The following RBMS3 variants were observed in gnomAD, a reference collection of about 807,000 sequenced individuals.
The protein encoded by RBMS3 is RNA-binding motif, single-stranded-interacting protein 3.
A neutral mutation model predicts 66.8 loss-of-function variants in RBMS3; 27 were observed. That is an observed-to-expected ratio of 0.40 (90% CI 0.30 to 0.56). RBMS3 has a LOEUF of 0.56. Among genes scored for constraint, RBMS3 ranks in the 20% least tolerant of loss-of-function variants. The pLI, the probability that RBMS3 is intolerant of heterozygous loss-of-function variation, is 0.40. For synonymous variants in RBMS3, 188 were observed against 183.0 expected (o/e 1.03, Z -0.22); for missense variants, 513 against 549.5 (o/e 0.93, Z 0.66).
chr3:29,867,375 G>A (rs762670410), intron 6 of RBMS3, among the ~76,000 whole-genome samples: 1 of 150,726 alleles, frequency 6.6e-6, no homozygotes, highest in Non-Finnish European at 1.5e-5. Context: ...CATTGGTGTG[G>A]TGGGCTCAGT....
chr3:29,620,168 T>G (rs529432109), intron 4 of RBMS3, among the ~76,000 whole-genome samples: 2 of 152,162 alleles, frequency 1.3e-5, no homozygotes, highest in African/African-American at 4.8e-5. Flanking sequence ...AATTTAATAA[T>G]TTTTTTCTTG....
At chr3:29,352,799 A>T (rs970966020) in intron 1 of RBMS3, among the ~76,000 whole-genome samples, 2 of 151,866 alleles carry the variant, frequency 1.3e-5, no homozygotes, top group East Asian at 3.9e-4. Flanking sequence ...TCTTTATGAG[A>T]TCAACTTTTT....
chr3:29,944,122 G>T, intron 11 of RBMS3, 85 bp from the exon 12 acceptor site: 2 of 1,229,018 alleles, frequency 1.6e-6, no homozygotes, highest in East Asian at 4.7e-5. Context: ...GACACACAGC[G>T]GACTCTTCCA....
chr3:29,773,478 T>C (rs1353639000), intron 6 of RBMS3, among the ~76,000 whole-genome samples: 1 of 152,084 alleles, frequency 6.6e-6, no homozygotes, highest in Non-Finnish European at 1.5e-5. Context: ...CCATTTTCTA[T>C]TGAACTGAGT....
chr3:29,292,370 T>C (rs2032888848), intron 1 of RBMS3, among the ~76,000 whole-genome samples: 1 of 151,864 alleles, frequency 6.6e-6, no homozygotes, highest in African/African-American at 2.4e-5. Flanking sequence ...AATTTTATTT[T>C]ACTTTGCTGC....
chr3:29,411,718 T>C (rs1236942098), intron 1 of RBMS3, among the ~76,000 whole-genome samples: 1 of 152,236 alleles, frequency 6.6e-6, no homozygotes, highest in African/African-American at 2.4e-5. Flanking sequence ...CTGTTCAGTG[T>C]GCAAATAATT....
At chr3:29,806,701 A>G (rs974088265) in intron 6 of RBMS3, among the ~76,000 whole-genome samples, 2 of 151,948 alleles carry the variant, frequency 1.3e-5, no homozygotes, top group African/African-American at 4.8e-5. Context: ...TGGCTCATTT[A>G]TAATTATTAC....
chr3:29,421,153 T>C (rs571908397), intron 1 of RBMS3, among the ~76,000 whole-genome samples: 1 of 151,810 alleles, frequency 6.6e-6, no homozygotes, highest in South Asian at 2.1e-4. Flanking sequence ...CCGTTATCAC[T>C]ATTTGCCAAG....
intron 4 of RBMS3, among the ~76,000 whole-genome samples, chr3:29,731,985 C>T (rs1273848392): frequency 2.0e-5 from 3 of 151,864 alleles, no homozygotes; most frequent in African/African-American, 7.3e-5. Flanking sequence ...ACCTTAATCT[C>T]TCACTCCCTC....
intron 3 of RBMS3, among the ~76,000 whole-genome samples, chr3:29,556,717 T>C (rs2046380389): frequency 6.6e-6 from 1 of 152,214 alleles, no homozygotes. Context: ...CTCCCCAGAC[T>C]TGAGTGTATT....
intron 4 of RBMS3, among the ~76,000 whole-genome samples, chr3:29,685,995 T>C (rs1290592009): frequency 6.6e-6 from 1 of 152,188 alleles, no homozygotes; most frequent in Admixed American, 6.5e-5. Flanking sequence ...TGTAACAACA[T>C]CGCTTTCCCT....
intron 10 of RBMS3, among the ~76,000 whole-genome samples, chr3:29,921,772 A>C (rs969108093): frequency 6.6e-6 from 1 of 152,214 alleles, no homozygotes; most frequent in Non-Finnish European, 1.5e-5. Context: ...CAATTGAGCC[A>C]TGTTTTTAGA....
intron 3 of RBMS3, among the ~76,000 whole-genome samples, chr3:29,491,917 C>T (rs2043560960): frequency 6.6e-6 from 1 of 151,992 alleles, no homozygotes; most frequent in African/African-American, 2.4e-5. Context: ...GGCGTGAACC[C>T]AGGAGGCGGA....
At chr3:29,771,847 A>G (rs1458600931) in intron 6 of RBMS3, among the ~76,000 whole-genome samples, 1 of 151,954 alleles carries the variant, frequency 6.6e-6, no homozygotes, top group Non-Finnish European at 1.5e-5. Context: ...ACTTTTTGAC[A>G]ACCAGATCTT....
At chr3:29,508,667 G>A (rs914011770) in intron 3 of RBMS3, among the ~76,000 whole-genome samples, 8 of 151,662 alleles carry the variant, frequency 5.3e-5, no homozygotes, top group East Asian at 1.9e-4. Context: ...ACATACGTGC[G>A]CTTTTTTTTT....
chr3:29,600,703 G>A (rs1439757319), intron 4 of RBMS3, among the ~76,000 whole-genome samples: 1 of 152,076 alleles, frequency 6.6e-6, no homozygotes, highest in Non-Finnish European at 1.5e-5. Context: ...CTGCAGTGTA[G>A]TAGCTTGAAA....
intron 6 of RBMS3, among the ~76,000 whole-genome samples, chr3:29,801,272 C>CTTTTCTTTTTT (rs1553672567): frequency 1.5e-5 from 2 of 129,478 alleles, no homozygotes; most frequent in African/African-American, 3.0e-5. Context: ...TGCTTTTTTT[C>CTTTTCTTTTTT]TTTTTTTTTT....
intron 8 of RBMS3, among the ~76,000 whole-genome samples, chr3:29,888,712 A>G (rs1438450938): frequency 1.3e-5 from 2 of 151,722 alleles, no homozygotes; most frequent in Non-Finnish European, 3.0e-5. Context: ...ACAAATTCAA[A>G]CAAAACGCAC....
At chr3:29,781,143 C>T (rs981222668) in intron 6 of RBMS3, among the ~76,000 whole-genome samples, 2 of 144,494 alleles carry the variant, frequency 1.4e-5, no homozygotes, top group Non-Finnish European at 3.0e-5. Context: ...TTAAAATCTC[C>T]CCTTTTCTTC....
Sources: gnomAD v4.1 joint callset for allele counts (sites outside exome capture counted in the v4.1 genomes callset) on GRCh38, gnomAD v4.1.1 for gene constraint, MANE v1.5 for transcripts, NCBI Gene and HGNC (gene_info 2026-07-23, HGNC 2026-07-21) for gene names.